The following PDZD2 variants were observed in gnomAD, a reference collection of about 807,000 sequenced individuals.
PDZD2 encodes the protein PDZ domain-containing protein 2.
PDZD2 carries 90 observed loss-of-function variants against 220.7 expected under a neutral mutation model. The ratio of observed to expected loss-of-function variants is 0.41; its 90% CI spans 0.34 to 0.49. PDZD2 has a LOEUF of 0.49. Ranked by LOEUF, PDZD2 falls within the 20% of genes least tolerant of loss-of-function variation. The pLI, the probability that PDZD2 is intolerant of heterozygous loss-of-function variation, is 0.28. For synonymous variants in PDZD2, 1,375 were observed against 1,450.5 expected (o/e 0.95, Z 1.18); for missense variants, 3,174 against 3,608.5 (o/e 0.88, Z 3.08).
intron 2 of PDZD2, among the ~76,000 whole-genome samples, chr5:31,850,665 C>T (rs1758006671): frequency 2.4e-5 from 3 of 124,356 alleles, no homozygotes; most frequent in Admixed American, 1.9e-4. Flanking sequence ...GAGACGGAGT[C>T]TTGCTCTTTC....
chr5:32,101,917 G>A (rs185834760), intron 24 of PDZD2, among the ~76,000 whole-genome samples: 1 of 152,208 alleles, frequency 6.6e-6, no homozygotes, highest in Non-Finnish European at 1.5e-5. Flanking sequence ...AATTATACTT[G>A]CAAATAGATC....
intron 21 of PDZD2, among the ~76,000 whole-genome samples, chr5:32,096,853 T>TTTTTTTTA (rs1743758807): frequency 6.7e-6 from 1 of 149,422 alleles, no homozygotes; most frequent in African/African-American, 2.5e-5. Flanking sequence ...TTTTTTTTTT[T>TTTTTTTTA]GAGACAAGGT....
chr5:31,864,232 T>G (rs1737985766), intron 2 of PDZD2, among the ~76,000 whole-genome samples: 1 of 152,202 alleles, frequency 6.6e-6, no homozygotes, highest in Non-Finnish European at 1.5e-5. Context: ...TCCTGCATAG[T>G]CTGATAATGC....
chr5:32,021,037 A>G (rs575574354), intron 6 of PDZD2, among the ~76,000 whole-genome samples: 5 of 150,960 alleles, frequency 3.3e-5, no homozygotes, highest in African/African-American at 1.2e-4. Flanking sequence ...TAAAGACTTC[A>G]TGTGCATTGA....
In PDZD2 at chr5:31,684,667, C is replaced by T. The variant is rs144132658; in HGVS notation, c.-361+45230C>T. Among the ~76,000 whole-genome samples, 806 of 152,230 alleles carry T rather than the reference C, an allele frequency of 5.3e-3. 5 individuals are homozygous for T. Among genetic ancestry groups the T allele is most frequent in the African/African-American group, 0.019 (777 of 41,518 alleles). ...GAATAGAATTCATAGTCCTCACCAG[C>T]CACTGCAAGGTTTATATAATCTAGC... On this transcript the variant is annotated intron_variant, in intron 1 of 24. Coordinates refer to ENST00000438447, the MANE Select transcript of PDZD2 (RefSeq NM_178140.4).
chr5:32,101,479 G>T (rs1310213179), intron 24 of PDZD2, among the ~76,000 whole-genome samples: 1 of 152,170 alleles, frequency 6.6e-6, no homozygotes, highest in Non-Finnish European at 1.5e-5. Context: ...GGCACGTAGG[G>T]TCACACAGCT....
At chr5:31,714,544 G>A (rs1482318300) in intron 1 of PDZD2, among the ~76,000 whole-genome samples, 4 of 152,182 alleles carry the variant, frequency 2.6e-5, no homozygotes, top group African/African-American at 9.7e-5. Context: ...ACCTCATACC[G>A]TCCAAGGAAA....
chr5:31,758,469 A>G (rs889085823), intron 1 of PDZD2, among the ~76,000 whole-genome samples: 1 of 152,264 alleles, frequency 6.6e-6, no homozygotes, highest in Admixed American at 6.5e-5. Context: ...ACCCTGGGGG[A>G]CAGACAGCAC....
chr5:31,689,353 A>ATATTTTTTTTTTTTTT, intron 1 of PDZD2, among the ~76,000 whole-genome samples: 2 of 35,120 alleles, frequency 5.7e-5, no homozygotes, highest in African/African-American at 2.1e-4. Flanking sequence ...ATATATATAT[A>ATATTTTTTTTTTTTTT]TTTTTTTTTT....
chr5:31,675,281 G>C (rs1746364787), intron 1 of PDZD2, among the ~76,000 whole-genome samples: 1 of 152,154 alleles, frequency 6.6e-6, no homozygotes, highest in South Asian at 2.1e-4. Context: ...AGGCTCGTGG[G>C]CTCCTTCTCC....
chr5:31,869,554 A>C (rs1041868791), intron 2 of PDZD2, among the ~76,000 whole-genome samples: 2 of 151,560 alleles, frequency 1.3e-5, no homozygotes, highest in Non-Finnish European at 2.9e-5. Context: ...ACAGAGCGAG[A>C]CTCTGTCTCA....
intron 2 of PDZD2, among the ~76,000 whole-genome samples, chr5:31,949,301 G>A (rs1244374867): frequency 6.6e-6 from 1 of 151,752 alleles, no homozygotes; most frequent in Non-Finnish European, 1.5e-5. Flanking sequence ...TGTGACCCAA[G>A]GACAATGTAA....
At chr5:31,690,851 C>T (rs986563423) in intron 1 of PDZD2, among the ~76,000 whole-genome samples, 1 of 152,158 alleles carries the variant, frequency 6.6e-6, no homozygotes, top group East Asian at 1.9e-4. Context: ...TTTGGGGGGC[C>T]ACTGTCCAGC....
chr5:31,819,152 A>G (rs1580818758), intron 2 of PDZD2, among the ~76,000 whole-genome samples: 1 of 152,322 alleles, frequency 6.6e-6, no homozygotes, highest in East Asian at 1.9e-4. Context: ...TTTTTTACAC[A>G]ATGGGGCACA....
At chr5:31,862,669 T>A (rs1737831654) in intron 2 of PDZD2, among the ~76,000 whole-genome samples, 1 of 151,672 alleles carries the variant, frequency 6.6e-6, no homozygotes, top group African/African-American at 2.4e-5. Flanking sequence ...CAAGCAATTC[T>A]CCTACCTCAG....
chr5:31,882,418 C>G (rs1249993653), intron 2 of PDZD2, among the ~76,000 whole-genome samples: 1 of 152,094 alleles, frequency 6.6e-6, no homozygotes, highest in Non-Finnish European at 1.5e-5. Context: ...CTGTAAAACA[C>G]AGGGATAATA....
chr5:31,703,918 T>TTC (rs960547358), intron 1 of PDZD2, among the ~76,000 whole-genome samples: 3 of 151,578 alleles, frequency 2.0e-5, no homozygotes, highest in African/African-American at 7.3e-5. Flanking sequence ...TCTTTCCTTT[T>TTC]TCTCTCTCTC....
At chr5:32,019,333 G>A (rs546489126) in intron 6 of PDZD2, among the ~76,000 whole-genome samples, 29 of 152,014 alleles carry the variant, frequency 1.9e-4, no homozygotes, top group African/African-American at 7.0e-4. Context: ...TTGTAGAGAC[G>A]GGGTCTCCCT....
At position 32,083,085 on chromosome 5, in the gene PDZD2, G is replaced by C. The variant is rs1053340761; in HGVS notation, c.3683-4046G>C. Among the ~76,000 whole-genome samples the C allele has an allele frequency of 4.6e-5, 7 of 151,958 alleles. No individual in the cohort carries two copies. The highest frequency in any genetic ancestry group is 4.6e-4 in the Admixed American group (7 of 15,244). On this transcript the variant is annotated intron_variant, in intron 19 of 24. Transcript: ENST00000438447. The surrounding 1 kb of genome is among the most constrained non-coding windows in gnomAD (Gnocchi z 4.1). ...GTTTTGAAAGATAGCATAAAAATCA[G>C]CTAAGCCCAAGTGAAAAACCTCTGT...
Sources: gnomAD v4.1 joint callset for allele counts (sites outside exome capture counted in the v4.1 genomes callset) on GRCh38, gnomAD v4.1.1 for gene constraint, Gnocchi (gnomAD v3.1) non-coding constraint, MANE v1.5 for transcripts, NCBI Gene and HGNC (gene_info 2026-07-23, HGNC 2026-07-21) for gene names.